Variants in AGBL1 observed in about 807,000 individuals in gnomAD.
AGBL1 encodes the protein cytosolic carboxypeptidase 4.
A neutral mutation model predicts 118.9 loss-of-function variants in AGBL1; 130 were observed. That is an observed-to-expected ratio of 1.09 (90% CI 0.95 to 1.26). The LOEUF is 1.26. AGBL1 is among the 50% of genes most tolerant of loss of function. The pLI, the probability that AGBL1 is intolerant of heterozygous loss-of-function variation, is 0.00. For synonymous variants in AGBL1, 555 were observed against 478.9 expected (o/e 1.16, Z -2.08); for missense variants, 1,584 against 1,298.1 (o/e 1.22, Z -3.38).
intron 21 of AGBL1, among the ~76,000 whole-genome samples, chr15:86,648,924 A>T (rs969429940): frequency 6.6e-6 from 1 of 152,242 alleles, no homozygotes; most frequent in African/African-American, 2.4e-5. Flanking sequence ...GTGTGAGATT[A>T]TAAAAGAAGA....
intron 22 of AGBL1, among the ~76,000 whole-genome samples, chr15:86,788,545 T>C (rs2078447283): frequency 6.6e-6 from 1 of 152,198 alleles, no homozygotes. Flanking sequence ...GGTCTAGGGA[T>C]ATAGCAGTGA....
At chr15:86,827,203 A>T (rs2079023161) in intron 22 of AGBL1, among the ~76,000 whole-genome samples, 1 of 145,772 alleles carries the variant, frequency 6.9e-6, no homozygotes, top group Non-Finnish European at 1.5e-5. Context: ...ATGCCTTCAC[A>T]TTTCTCTAGA....
intron 18 of AGBL1, among the ~76,000 whole-genome samples, chr15:86,463,247 T>G (rs1162556379): frequency 6.6e-6 from 1 of 152,124 alleles, no homozygotes. Flanking sequence ...TTTTGAGAAG[T>G]GTCTGTTCAT....
At chr15:86,169,604 A>G (rs1456917427) in intron 5 of AGBL1, among the ~76,000 whole-genome samples, 1 of 152,244 alleles carries the variant, frequency 6.6e-6, no homozygotes, top group Non-Finnish European at 1.5e-5. Context: ...CCTCCTGTAT[A>G]CTTTTAAATC....
intron 17 of AGBL1, among the ~76,000 whole-genome samples, chr15:86,377,843 A>G (rs1567225436): frequency 6.6e-6 from 1 of 152,182 alleles, no homozygotes; most frequent in African/African-American, 2.4e-5. Flanking sequence ...TCTTCTAGAG[A>G]TAACGTGAGC....
At chr15:86,426,427 C>A (rs577834466) in intron 18 of AGBL1, among the ~76,000 whole-genome samples, 2 of 152,300 alleles carry the variant, frequency 1.3e-5, no homozygotes, top group African/African-American at 4.8e-5. Flanking sequence ...CTTAAGTGAG[C>A]ACCAAGAGAA....
At chr15:86,474,053 G>A (rs778554063) in intron 18 of AGBL1, among the ~76,000 whole-genome samples, 16 of 152,074 alleles carry the variant, frequency 1.1e-4, no homozygotes, top group Non-Finnish European at 1.9e-4. Context: ...AGTAGATTTT[G>A]GCTGATTTTG....
chr15:86,213,550 A>G (rs1250037341), intron 5 of AGBL1, among the ~76,000 whole-genome samples: 1 of 152,088 alleles, frequency 6.6e-6, no homozygotes, highest in Non-Finnish European at 1.5e-5. Context: ...GGCACAGTGC[A>G]TGCTCAAGTT....
intron 5 of AGBL1, among the ~76,000 whole-genome samples, chr15:86,167,178 ACT>A (rs1456357530): frequency 6.6e-6 from 1 of 150,674 alleles, no homozygotes; most frequent in African/African-American, 2.4e-5. Context: ...GTATGGAAAG[ACT>A]CTTATCAGGA....
At chr15:86,224,027 A>C (rs954541482) in intron 5 of AGBL1, among the ~76,000 whole-genome samples, 1 of 152,148 alleles carries the variant, frequency 6.6e-6, no homozygotes, top group Non-Finnish European at 1.5e-5. Flanking sequence ...CAGTCTTGGA[A>C]GTGTGATCTA....
intron 22 of AGBL1, among the ~76,000 whole-genome samples, chr15:86,786,597 C>T (rs919230630): frequency 1.3e-5 from 2 of 152,132 alleles, no homozygotes; most frequent in Non-Finnish European, 2.9e-5. Flanking sequence ...CTCTTTGCAA[C>T]CTAAAATAAC....
downstream of AGBL1, among the ~76,000 whole-genome samples, chr15:86,917,352 G>A (rs2080436584): frequency 6.6e-6 from 1 of 152,146 alleles, no homozygotes; most frequent in East Asian, 1.9e-4. This position sits in a 1 kb window ranked among gnomAD's most constrained non-coding sequence, Gnocchi z 4.8. Flanking sequence ...CTCAGCATTT[G>A]GGGCCCAGCT....
At chr15:87,004,937 C>T (rs1209371928) in intron 24 of AGBL1, among the ~76,000 whole-genome samples, 5 of 152,100 alleles carry the variant, frequency 3.3e-5, no homozygotes, top group Non-Finnish European at 7.3e-5. Context: ...TTTATTTCTC[C>T]TTTACTTATG....
At chr15:86,304,305 T>G (rs1157909529) in intron 17 of AGBL1, among the ~76,000 whole-genome samples, 4 of 152,152 alleles carry the variant, frequency 2.6e-5, no homozygotes, top group African/African-American at 9.7e-5. Flanking sequence ...TATCTGCTGT[T>G]TCCTCTGTGT....
At chr15:86,898,133 G>C (rs1436160347) in intron 22 of AGBL1, among the ~76,000 whole-genome samples, 1 of 151,972 alleles carries the variant, frequency 6.6e-6, no homozygotes, top group Admixed American at 6.5e-5. Context: ...CAAAATAGCA[G>C]GAAAAAACTT....
chr15:86,132,103 C>T (rs1437587817), intron 1 of AGBL1, among the ~76,000 whole-genome samples: 2 of 152,200 alleles, frequency 1.3e-5, no homozygotes, highest in South Asian at 2.1e-4. Flanking sequence ...AAAGAGTACC[C>T]GAGTAGCGGA....
At chr15:86,873,268 T>A (rs2079755588) in intron 22 of AGBL1, among the ~76,000 whole-genome samples, 2 of 152,184 alleles carry the variant, frequency 1.3e-5, no homozygotes, top group African/African-American at 4.8e-5. Context: ...CCTATTTCCC[T>A]GCTGAGCCAG....
chr15:86,422,308 C>T (rs558668578), intron 18 of AGBL1, among the ~76,000 whole-genome samples: 4 of 152,200 alleles, frequency 2.6e-5, no homozygotes, highest in South Asian at 2.1e-4. Flanking sequence ...CAAAACTGCA[C>T]GACTACATGG....
chr15:86,622,327 T>C (rs1169784988), intron 21 of AGBL1, among the ~76,000 whole-genome samples: 1 of 131,798 alleles, frequency 7.6e-6, no homozygotes, highest in African/African-American at 3.3e-5. Context: ...TGAGACTCCA[T>C]CTCAAAAAAA....
Sources: allele counts gnomAD v4.1 joint callset (sites outside exome capture counted in the v4.1 genomes callset), GRCh38; gene constraint gnomAD v4.1.1; non-coding constraint Gnocchi (gnomAD v3.1); transcripts MANE v1.5; gene names NCBI Gene and HGNC (gene_info 2026-07-23, HGNC 2026-07-21).